SENP1: variants seen among roughly 807,000 people sequenced by gnomAD.
The protein encoded by SENP1 is SUMO specific peptidase 1.
In SENP1, 21 loss-of-function variants were observed where a neutral mutation model predicts 93.0. That is an observed-to-expected ratio of 0.23 (90% CI 0.16 to 0.33). The LOEUF (loss-of-function observed/expected upper bound fraction) is 0.33, where lower values mean the gene tolerates loss of function less well. SENP1 is among the 10% of genes least tolerant of loss of function. SENP1 has a pLI of 1.00. For synonymous variants in SENP1, 256 were observed against 259.6 expected, an observed-to-expected ratio of 0.99 and a Z score of 0.13; for missense variants, 591 against 758.7, an observed-to-expected ratio of 0.78 and a Z score of 2.60.
At chr12:48,105,453 T>C (rs778032333) in intron 1 of SENP1, 1 of 518,906 alleles carries the variant, frequency 1.9e-6, no homozygotes, top group Non-Finnish European at 3.8e-6. Flanking sequence ...GGGATTTTCA[T>C]AACCTGAGCA....
At chr12:48,062,070 A>G (rs545704251) in intron 13 of SENP1, among the ~76,000 whole-genome samples, 1 of 152,330 alleles carries the variant, frequency 6.6e-6, no homozygotes, top group Admixed American at 6.5e-5. Context: ...AATGGAAAAT[A>G]TGTCCTGATG....
chr12:48,071,664 T>C lies in SENP1; in HGVS notation c.995+3A>G, dbSNP rs1943714619. ...TAAAGAACAAGCTTTTTCCAAAGTT[T>C]ACCTGGGAGTTGGAGTCTGGGAATC... is the stretch of plus-strand genomic sequence containing the variant. On this transcript the variant is annotated splice_donor_region_variant and intron_variant, in intron 9 of 17. Coordinates refer to ENST00000549518, the MANE Select transcript of SENP1 (RefSeq NM_001267594.2). 6.3e-7 allele frequency: 1 copy of C among 1,594,684 alleles called. No homozygotes were observed. The highest frequency in any genetic ancestry group is 8.6e-7 in the Non-Finnish European group (1 of 1,163,486).
intron 5 of SENP1, among the ~76,000 whole-genome samples, chr12:48,087,606 G>A: frequency 6.6e-6 from 1 of 152,196 alleles, no homozygotes. Flanking sequence ...AAAAGGGATT[G>A]GGATTGTGGG....
intron 4 of SENP1, chr12:48,089,419 T>C (rs1424567563): frequency 7.1e-6 from 7 of 990,110 alleles, no homozygotes; most frequent in South Asian, 1.6e-5. Flanking sequence ...AGTTACCATG[T>C]TCAAGACTCA....
Position 48,083,628 on chromosome 12 carries a change from T to C in SENP1, c.515A>G (p.Lys172Arg). Residue 172 changes from lysine (K) to arginine (R), a missense_variant, in exon 6 of 18, where the codon AAG (lysine) becomes AGG (arginine). Physicochemically the swap from Lys to Arg is conservative, Grantham distance 26. This residue lies in a region of SENP1 where 214 missense variants were observed against 243.4 expected (regional missense o/e 0.88). Coordinates refer to ENST00000549518, the MANE Select transcript of SENP1 (RefSeq NM_001267594.2). The stretch of plus-strand genomic sequence containing the variant: ...ACTAACATGTCGCCTCTGAGTTTTC[T>C]TGGGGCTCAAAAGACTTCGACGACA... The part of the protein sequence containing the change: ...GSCRRSLLSP[K>R]KTQRRHVSTA... 1.2e-6 allele frequency: 2 copies of C among 1,613,892 alleles called. No individual in the cohort carries two copies. The highest frequency in any genetic ancestry group is 1.7e-6 in the Non-Finnish European group (2 of 1,179,838).
intron 6 of SENP1, chr12:48,081,277 T>C (rs1046201817): frequency 3.9e-5 from 6 of 152,024 alleles, no homozygotes; most frequent in Non-Finnish European, 5.9e-5. Context: ...AAATATAATA[T>C]AAAATTCAAT....
At chr12:48,103,018 G>GT (rs1565817284) in intron 1 of SENP1, among the ~76,000 whole-genome samples, 1 of 152,040 alleles carries the variant, frequency 6.6e-6, no homozygotes, top group Non-Finnish European at 1.5e-5. Flanking sequence ...CTTTAATAGA[G>GT]TAGACTCCCT....
At chr12:48,073,344 G>C (rs1217636948) in intron 8 of SENP1, among the ~76,000 whole-genome samples, 1 of 149,790 alleles carries the variant, frequency 6.7e-6, no homozygotes, top group African/African-American at 2.5e-5. Flanking sequence ...GAGTCTTCAT[G>C]GATATGTGTA....
intron 4 of SENP1, among the ~76,000 whole-genome samples, chr12:48,090,248 TAA>T (rs1285503324): frequency 6.6e-6 from 1 of 152,224 alleles, no homozygotes; most frequent in Non-Finnish European, 1.5e-5. Context: ...TTATTATACT[TAA>T]GTTTAAAGTT....
chr12:48,056,179 ATATT>A (rs1322148436), intron 13 of SENP1, among the ~76,000 whole-genome samples: 1 of 99,764 alleles, frequency 1.0e-5, no homozygotes, highest in South Asian at 3.3e-4. Context: ...TATTTTATAT[ATATT>A]ATTTAATATA....
At chr12:48,072,044 TA>T (rs1410142474) in intron 8 of SENP1, among the ~76,000 whole-genome samples, 1 of 152,224 alleles carries the variant, frequency 6.6e-6, no homozygotes, top group Non-Finnish European at 1.5e-5. Flanking sequence ...CAGGATTCCT[TA>T]AAAGTCTTCA....
intron 5 of SENP1, among the ~76,000 whole-genome samples, chr12:48,084,746 C>A (rs926776308): frequency 6.6e-6 from 1 of 152,222 alleles, no homozygotes; most frequent in East Asian, 1.9e-4. Context: ...CAGCACCCAG[C>A]CAATTTTGAG....
chr12:48,097,883 A>C, intron 3 of SENP1, 111 bp downstream of exon 3: 2 of 966,848 alleles, frequency 2.1e-6, no homozygotes, highest in East Asian at 5.3e-5. Flanking sequence ...TGATTCTAAA[A>C]AGTTTATAGC....
At chr12:48,046,852 C>G (rs917227229) in intron 16 of SENP1, 126 bp downstream of exon 16, 1 of 635,702 alleles carries the variant, frequency 1.6e-6, no homozygotes, top group Non-Finnish European at 2.8e-6. Context: ...CCCCCAGAAA[C>G]CAACCAACCA....
At chr12:48,092,417 TTTAA>T (rs1945280180) in intron 4 of SENP1, among the ~76,000 whole-genome samples, 1 of 152,150 alleles carries the variant, frequency 6.6e-6, no homozygotes, top group Non-Finnish European at 1.5e-5. Context: ...AAAAGTAGGT[TTTAA>T]TTAAAGACTT....
rs1379502776 is a variant in SENP1, at chr12:48,043,830, C to T, written c.*1492G>A. 6.6e-6 allele frequency: 1 copy of T among 152,418 alleles called. No homozygotes were observed. 9.4% of individuals were successfully genotyped at this position (152,418 alleles called of 1,614,324 possible). On this transcript the variant is annotated 3_prime_UTR_variant, in exon 18 of 18. Coordinates refer to ENST00000549518, the MANE Select transcript of SENP1 (RefSeq NM_001267594.2). Reference sequence around the variant, plus strand: ...TTGTGGTAAAACATAGAAAAATGTACTAAACGAGCTTGTATAAAACAGTAA... The same window carrying T: ...TTGTGGTAAAACATAGAAAAATGTATTAAACGAGCTTGTATAAAACAGTAA...
At chr12:48,068,797 A>G (rs897205478) in intron 9 of SENP1, among the ~76,000 whole-genome samples, 5 of 152,180 alleles carry the variant, frequency 3.3e-5, no homozygotes, top group Non-Finnish European at 7.3e-5. Context: ...AACTAACATT[A>G]TCTGGCAAAG....
intron 1 of SENP1, among the ~76,000 whole-genome samples, chr12:48,103,905 G>C (rs2137373413): frequency 6.6e-6 from 1 of 152,206 alleles, no homozygotes; most frequent in Non-Finnish European, 1.5e-5. Flanking sequence ...AGGGCTGCAA[G>C]GAAGTTACTA....
intron 1 of SENP1, 45 bp downstream of exon 1, chr12:48,105,983 C>T (rs955578449): frequency 2.9e-6 from 2 of 700,096 alleles, no homozygotes; most frequent in East Asian, 2.7e-5. Context: ...CTGGACCAGG[C>T]TCCCTCCATC....
Sources: gnomAD v4.1 joint callset for allele counts (sites outside exome capture counted in the v4.1 genomes callset) on GRCh38, gnomAD v4.1.1 for gene constraint, gnomAD v4.1.1 regional missense constraint, MANE v1.5 for transcripts, NCBI Gene and HGNC (gene_info 2026-07-23, HGNC 2026-07-21) for gene names.